FARS2: variants seen among roughly 807,000 people sequenced by gnomAD.
The protein encoded by FARS2 is phenylalanine--tRNA ligase, mitochondrial.
FARS2 carries 40 observed loss-of-function variants against 46.4 expected under a neutral mutation model. The observed-to-expected ratio is 0.86, with a 90% CI of 0.67 to 1.12. The LOEUF (loss-of-function observed/expected upper bound fraction) is 1.12, where lower values mean the gene tolerates loss of function less well. FARS2 is among the 50% of genes most tolerant of loss of function. The pLI, the probability that FARS2 is intolerant of heterozygous loss-of-function variation, is 0.00. For missense variants in FARS2, 513 were observed against 567.9 expected (o/e 0.90, Z 0.98); for synonymous variants, 234 against 214.9 (o/e 1.09, Z -0.78).
At chr6:5,691,833 C>A (rs1757749129) in intron 6 of FARS2, among the ~76,000 whole-genome samples, 1 of 152,216 alleles carries the variant, frequency 6.6e-6, no homozygotes, top group Non-Finnish European at 1.5e-5. Context: ...CAGTGGGCTC[C>A]ACCCAGTTCG....
intron 3 of FARS2, among the ~76,000 whole-genome samples, chr6:5,410,943 C>T (rs1352573673): frequency 6.6e-6 from 1 of 152,092 alleles, no homozygotes; most frequent in East Asian, 1.9e-4. Flanking sequence ...GAAAAAGTGC[C>T]ATGTAAAAAT....
chr6:5,646,588 G>A (rs922781165), intron 6 of FARS2, among the ~76,000 whole-genome samples: 1 of 152,110 alleles, frequency 6.6e-6, no homozygotes, highest in Non-Finnish European at 1.5e-5. Context: ...TTGGACTTTG[G>A]TATCCATAGG....
chr6:5,362,470 C>T lies in FARS2; in HGVS notation c.-21-6080C>T, dbSNP rs565335381. 9.2e-5 allele frequency among the ~76,000 whole-genome samples: 14 copies of T among 152,160 alleles called. 1 individual carries two copies. In the South Asian group the frequency reaches 1.5e-3, roughly 16 times the overall value. On this transcript the variant is annotated intron_variant, in intron 1 of 6. Transcript: ENST00000274680. Reference sequence around the variant, plus strand: ...ATACATACATCACATTTTCTTTATACACTCATCTGTTGATGGACATTTAGG... The same window carrying T: ...ATACATACATCACATTTTCTTTATATACTCATCTGTTGATGGACATTTAGG...
intron 6 of FARS2, among the ~76,000 whole-genome samples, chr6:5,660,201 A>G (rs1012863397): frequency 2.0e-5 from 3 of 152,242 alleles, no homozygotes; most frequent in African/African-American, 4.8e-5. Context: ...TTACTAAGCC[A>G]GTAGTCACTG....
intron 3 of FARS2, among the ~76,000 whole-genome samples, chr6:5,406,720 CTA>C (rs138229829): frequency 0.11 from 16,435 of 151,600 alleles, 1,176 homozygotes; most frequent in Middle Eastern, 0.16. Flanking sequence ...AGTAAAGCGT[CTA>C]TGAACATTCA....
chr6:5,299,269 GAA>G (rs1206366131), intron 1 of FARS2, among the ~76,000 whole-genome samples: 5 of 152,132 alleles, frequency 3.3e-5, no homozygotes, highest in Non-Finnish European at 7.4e-5. Context: ...CTCCTCTGGC[GAA>G]CATAGTTATA....
chr6:5,335,116 T>G (rs1771065229), intron 1 of FARS2, among the ~76,000 whole-genome samples: 1 of 152,230 alleles, frequency 6.6e-6, no homozygotes, highest in African/African-American at 2.4e-5. Flanking sequence ...AAGCATTAGT[T>G]CCCTGACAGC....
intron 4 of FARS2, among the ~76,000 whole-genome samples, chr6:5,506,146 C>T (rs1231882517): frequency 1.3e-5 from 2 of 152,154 alleles, no homozygotes; most frequent in Non-Finnish European, 2.9e-5. Flanking sequence ...TCTCAGCTGT[C>T]CCAGTGGAGA....
chr6:5,703,258 C>T (rs1341257839), intron 6 of FARS2, among the ~76,000 whole-genome samples: 2 of 152,146 alleles, frequency 1.3e-5, no homozygotes, highest in African/African-American at 4.8e-5. Context: ...CAACTGGAAC[C>T]AAGCACAATC....
chr6:5,402,438 T>C (rs886819556), intron 2 of FARS2, among the ~76,000 whole-genome samples: 1 of 152,082 alleles, frequency 6.6e-6, no homozygotes, highest in East Asian at 1.9e-4. Context: ...TTGAGCTCTT[T>C]TGAATTGACT....
At chr6:5,568,703 G>T (rs2150554215) in intron 5 of FARS2, among the ~76,000 whole-genome samples, 1 of 152,312 alleles carries the variant, frequency 6.6e-6, no homozygotes, top group East Asian at 1.9e-4. Context: ...AGCTCGCAAA[G>T]CTTAGGCTTT....
Position 5,365,317 on chromosome 6 carries a change from C to CTTTTTTTTTTTTTTT in FARS2, c.-21-3218_-21-3204dup, listed in dbSNP as rs61097603. Among the ~76,000 whole-genome samples, 25 of 42,496 alleles carry CTTTTTTTTTTTTTTT rather than the reference C, an allele frequency of 5.9e-4. 7 individuals carry two copies. The highest frequency in any genetic ancestry group is 9.0e-4 in the African/African-American group (9 of 9,970). 27.9% of individuals were successfully genotyped at this position (42,496 alleles called of 152,430 possible). A position where few individuals can be genotyped will look rare whatever the true frequency, so the allele number is the denominator to read the frequency against. ...GACCTTTGATTGAGAAGTATACTTTCTTTTTTTTTTTTTTTTTTTTTTTTT... is the reference window on the plus strand; with the variant it reads ...GACCTTTGATTGAGAAGTATACTTTCTTTTTTTTTTTTTTTTTTTTTTTTTTTTTTTTTTTTTTTT... On this transcript the variant is annotated intron_variant, in intron 1 of 6. Transcript: ENST00000274680.
At chr6:5,527,008 T>C (rs1317564876) in intron 4 of FARS2, among the ~76,000 whole-genome samples, 1 of 152,140 alleles carries the variant, frequency 6.6e-6, no homozygotes, top group Non-Finnish European at 1.5e-5. Context: ...TTTAAAAGGT[T>C]TATCAGTGGG....
chr6:5,770,329 G>T (rs1407089970), intron 6 of FARS2, among the ~76,000 whole-genome samples: 1 of 152,200 alleles, frequency 6.6e-6, no homozygotes, highest in Non-Finnish European at 1.5e-5. Flanking sequence ...AAAGGAATCT[G>T]CCTGGGAGCC....
chr6:5,632,972 T>G (rs980865317), intron 6 of FARS2, among the ~76,000 whole-genome samples: 3 of 152,022 alleles, frequency 2.0e-5, no homozygotes, highest in African/African-American at 7.2e-5. Context: ...CTCCCTCATT[T>G]TTTCCTTCCT....
chr6:5,737,546 C>A (rs1316767725), intron 6 of FARS2, among the ~76,000 whole-genome samples: 1 of 152,124 alleles, frequency 6.6e-6, no homozygotes, highest in African/African-American at 2.4e-5. Context: ...GAAAGAAGAT[C>A]CTATGGGAAG....
chr6:5,310,248 G>T (rs1768991854), intron 1 of FARS2, among the ~76,000 whole-genome samples: 1 of 151,876 alleles, frequency 6.6e-6, no homozygotes, highest in Admixed American at 6.6e-5. Flanking sequence ...ATAGATAAAA[G>T]ATTTAAACAT....
chr6:5,559,099 AT>A (rs1374459647), intron 5 of FARS2, among the ~76,000 whole-genome samples: 5 of 152,074 alleles, frequency 3.3e-5, no homozygotes, highest in Non-Finnish European at 7.3e-5. Context: ...TTTACTACAG[AT>A]TTTTTTAAAG....
At chr6:5,516,596 T>C (rs971316892) in intron 4 of FARS2, among the ~76,000 whole-genome samples, 3 of 152,180 alleles carry the variant, frequency 2.0e-5, no homozygotes, top group African/African-American at 7.2e-5. Context: ...CTTAAACTCT[T>C]CCACCTATTT....
Sources: allele counts gnomAD v4.1 joint callset (sites outside exome capture counted in the v4.1 genomes callset), GRCh38; gene constraint gnomAD v4.1.1; transcripts MANE v1.5; gene names NCBI Gene and HGNC (gene_info 2026-07-23, HGNC 2026-07-21).